Variants in RPF2 observed in about 807,000 individuals in gnomAD.
The protein encoded by RPF2 is brix domain containing 1.
RPF2 carries 21 observed loss-of-function variants against 38.9 expected under a neutral mutation model. That is an observed-to-expected ratio of 0.54 (90% CI 0.38 to 0.78). The LOEUF (loss-of-function observed/expected upper bound fraction) is 0.78. RPF2 is among the 30% of genes least tolerant of loss of function. RPF2 has a pLI of 0.00. For synonymous variants in RPF2, 121 were observed against 126.2 expected (o/e 0.96, Z 0.28); for missense variants, 314 against 358.1 (o/e 0.88, Z 0.99).
In RPF2 at chr6:110,982,213, C is replaced by T. The variant is rs962337058; in HGVS notation, c.23+84C>T. ...GGTGGTACTGTCTCGGCCTCTCACT[C>T]TTCCTGGTTACCCCTCTAATTACCT... is the stretch of plus-strand genomic sequence containing the variant. On this transcript the variant is annotated intron_variant, in intron 1 of 9. Transcript: ENST00000441448. 7 of 1,471,644 alleles carry T rather than the reference C, an allele frequency of 4.8e-6. No individual in the cohort carries two copies. The Admixed American group carries it at 5.0e-5, about 11-fold the overall frequency. The allele number at this position is 1,471,644 out of a possible 1,614,324, so 91.2% of individuals were successfully genotyped here.
At chr6:110,991,921 G>T (rs1284447016) in intron 4 of RPF2, 135 bp downstream of exon 4, 2 of 345,788 alleles carry the variant, frequency 5.8e-6, no homozygotes, top group Non-Finnish European at 1.1e-5. Context: ...GTGTAAAATG[G>T]AGAGGAAATA....
chr6:111,017,764 G>C (rs1006178267), intron 8 of RPF2, among the ~76,000 whole-genome samples: 6 of 149,524 alleles, frequency 4.0e-5, no homozygotes, highest in Admixed American at 4.0e-4. Flanking sequence ...TCACATCCCA[G>C]ACGATGGGCA....
In RPF2 at chr6:110,999,664, T is replaced by G. The variant is rs755109974; in HGVS notation, c.317-47T>G. 2.4e-6 allele frequency: 3 copies of G among 1,227,140 alleles called. No individual in the cohort carries two copies. In the Admixed American group the frequency reaches 5.1e-5, roughly 21 times the overall value. 76.0% of individuals were successfully genotyped at this position (1,227,140 alleles called of 1,614,324 possible). On this transcript the variant is annotated intron_variant, in intron 5 of 9. Transcript: ENST00000441448. ...ACAGCTCTTGTGGGTATATGTAAGG[T>G]GGCTCTTTGGGAAAAATACATGCTT...
chr6:111,019,000 G>A lies in RPF2; in HGVS notation c.596+3144G>A, dbSNP rs576716613. On this transcript the variant is annotated intron_variant, in intron 8 of 9. Coordinates refer to ENST00000441448, the MANE Select transcript of RPF2 (RefSeq NM_032194.3). ...GGAGGCCGAGGTGGGTGGATTGCTCGAGGCCAGGAGTTCAAGACCAGCCTG... is the reference window on the plus strand; with the variant it reads ...GGAGGCCGAGGTGGGTGGATTGCTCAAGGCCAGGAGTTCAAGACCAGCCTG... Among the ~76,000 whole-genome samples the A allele has an allele frequency of 5.2e-4, 79 of 152,224 alleles. No individual in the cohort carries two copies. In the Middle Eastern group the frequency reaches 0.014, roughly 26 times the overall value.
At chr6:110,995,440 T>G (rs1583262255) in intron 4 of RPF2, among the ~76,000 whole-genome samples, 1 of 152,136 alleles carries the variant, frequency 6.6e-6, no homozygotes, top group South Asian at 2.1e-4. Context: ...ACAGGCCAGG[T>G]GGGTAGTTGT....
rs764474942 is a variant in RPF2 at position 110,982,101 on chromosome 6, G to A, written c.-6G>A. 1.2e-6 allele frequency: 2 copies of A among 1,614,108 alleles called. No homozygotes were observed. Among genetic ancestry groups the A allele is most frequent in the African/African-American group, 2.7e-5 (2 of 74,952 alleles). ...CCCTGGTTAAGAGTTGCAGGTAGCG[G>A]TAGCGATGGACACTCTGGATCGAGT... On this transcript the variant is annotated 5_prime_UTR_variant, in exon 1 of 10. Coordinates refer to ENST00000441448, the MANE Select transcript of RPF2 (RefSeq NM_032194.3).
intron 3 of RPF2, among the ~76,000 whole-genome samples, chr6:110,991,513 C>T (rs1176176524): frequency 6.6e-6 from 1 of 151,458 alleles, no homozygotes; most frequent in Admixed American, 6.6e-5. Flanking sequence ...CAGAGGACTA[C>T]TTATTTTCCA....
At chr6:110,999,812 G>A in intron 6 of RPF2, 25 bp downstream of exon 6, 1 of 1,322,752 alleles carries the variant, frequency 7.6e-7, no homozygotes, top group Non-Finnish European at 1.1e-6. Flanking sequence ...GAAATGAAAA[G>A]TATTTTGTAA....
Position 111,000,146 on chromosome 6 carries a change from C to T in RPF2, c.393+359C>T, listed in dbSNP as rs531255583. ...TTTGAGACAGGGTCTCACTCTGTCA[C>T]CCAGGCTGGAGAGCAGTGGCATGAA... On this transcript the variant is annotated intron_variant, in intron 6 of 9. Coordinates refer to ENST00000441448, the MANE Select transcript of RPF2 (RefSeq NM_032194.3). Among the ~76,000 whole-genome samples, 4 of 152,116 alleles carry T rather than the reference C, an allele frequency of 2.6e-5. No homozygotes were observed. In the East Asian group the frequency reaches 7.7e-4, roughly 29 times the overall value.
chr6:111,024,319 G>T lies in RPF2; in HGVS notation c.733G>T (p.Ala245Ser). The change falls in exon 9 of 10, where the codon GCT becomes TCT. Residue 245 changes from alanine (A) to serine (S), a missense_variant. By Grantham distance (99) the Ala-to-Ser change is moderately conservative (BLOSUM62 1). Transcript: ENST00000441448. ...TAAATTATCTATGAAAATGCCAAAA[G>T]CTCTCAAGGTATATAACTTAGAGCT... ...LYKLSMKMPKALKPKKKKNIS... is the reference protein window; with the variant it reads ...LYKLSMKMPKSLKPKKKKNIS... 6.2e-7 allele frequency: 1 copy of T among 1,609,778 alleles called. No homozygotes were observed. Among genetic ancestry groups the T allele is most frequent in the Non-Finnish European group, 8.5e-7 (1 of 1,179,174 alleles).
intron 8 of RPF2, among the ~76,000 whole-genome samples, chr6:111,022,756 G>A (rs963769487): frequency 6.6e-6 from 1 of 152,190 alleles, no homozygotes; most frequent in African/African-American, 2.4e-5. Flanking sequence ...GCAGTGTATA[G>A]TAGTACTTGG....
intron 5 of RPF2, among the ~76,000 whole-genome samples, chr6:110,997,555 A>T (rs1268703548): frequency 6.6e-6 from 1 of 152,138 alleles, no homozygotes; most frequent in Admixed American, 6.6e-5. Flanking sequence ...AGCCTGGCCA[A>T]CATGGTGAAA....
In RPF2 at chr6:111,024,440, G is replaced by A. The variant is rs572467707; in HGVS notation, c.741+113G>A. 567 of 1,048,720 alleles carry A rather than the reference G, an allele frequency of 5.4e-4. 1 individual carries two copies. Among genetic ancestry groups the A allele is most frequent in the South Asian group, 2.1e-3 (112 of 54,398 alleles). 65.0% of individuals were successfully genotyped at this position (1,048,720 alleles called of 1,614,324 possible). The stretch of plus-strand genomic sequence containing the variant: ...ATTAAAAGACAAGGACAGGCCAGGC[G>A]CGGTGGCTCACGCCTGTAATCCCAG... On this transcript the variant is annotated intron_variant, in intron 9 of 9. Coordinates refer to ENST00000441448, the MANE Select transcript of RPF2 (RefSeq NM_032194.3).
intron 4 of RPF2, among the ~76,000 whole-genome samples, chr6:110,992,530 A>G (rs967570134): frequency 4.0e-5 from 6 of 150,572 alleles, no homozygotes; most frequent in African/African-American, 1.5e-4. Flanking sequence ...CTCCTGCCTC[A>G]GTCTCCCAAG....
At chr6:111,020,633 G>A (rs1562376780) in intron 8 of RPF2, among the ~76,000 whole-genome samples, 1 of 152,088 alleles carries the variant, frequency 6.6e-6, no homozygotes, top group South Asian at 2.1e-4. Context: ...GGCCAAGATG[G>A]GTGGATCACC....
intron 7 of RPF2, among the ~76,000 whole-genome samples, chr6:111,012,072 T>G (rs1772025240): frequency 7.0e-6 from 1 of 142,394 alleles, no homozygotes; most frequent in Non-Finnish European, 1.5e-5. Flanking sequence ...GGAAGTTCCT[T>G]TTTTTTTTTT....
chr6:110,987,142 A>C (rs2114290319), intron 2 of RPF2, among the ~76,000 whole-genome samples: 1 of 152,104 alleles, frequency 6.6e-6, no homozygotes. Flanking sequence ...ATCTTGGCTT[A>C]CTGCAACCTC....
At chr6:111,024,139 T>C (rs185842039) in intron 8 of RPF2, 44 bp from the exon 9 acceptor site, 16 of 1,535,984 alleles carry the variant, frequency 1.0e-5, no homozygotes, top group Non-Finnish European at 1.2e-5. Flanking sequence ...GAGAGGACTT[T>C]TATGAAAGTC....
intron 5 of RPF2, 140 bp from the exon 6 acceptor site, chr6:110,999,571 A>G (rs1274916999): frequency 9.5e-6 from 5 of 526,784 alleles, no homozygotes; most frequent in Non-Finnish European, 1.7e-5. Flanking sequence ...TGAAAATGTA[A>G]GAAAGTGGGA....
Sources: allele counts gnomAD v4.1 joint callset (sites outside exome capture counted in the v4.1 genomes callset), GRCh38; gene constraint gnomAD v4.1.1; transcripts MANE v1.5; gene names NCBI Gene and HGNC (gene_info 2026-07-23, HGNC 2026-07-21).